The following HSPA4 variants were observed in gnomAD, a reference collection of about 807,000 sequenced individuals.
The protein encoded by HSPA4 is heat shock 70 kDa protein 4.
HSPA4 carries 25 observed loss-of-function variants against 106.2 expected under a neutral mutation model. The observed-to-expected ratio is 0.24, with a 90% confidence interval of 0.17 to 0.33. HSPA4 has a LOEUF of 0.33. HSPA4 is among the 10% of genes least tolerant of loss of function. The pLI is 1.00. For missense variants in HSPA4, 841 were observed against 996.0 expected (o/e 0.84, Z 2.10); for synonymous variants, 332 against 333.6 (o/e 1.00, Z 0.05).
chr5:133,055,053 A>G (rs1435619358), intron 1 of HSPA4, among the ~76,000 whole-genome samples: 2 of 152,180 alleles, frequency 1.3e-5, no homozygotes, highest in East Asian at 3.8e-4. Flanking sequence ...TTTGAAACTG[A>G]GTTGTTGCAG....
chr5:133,077,063 G>C (rs1379106900), intron 7 of HSPA4, among the ~76,000 whole-genome samples, 165 bp downstream of exon 7: 1 of 152,128 alleles, frequency 6.6e-6, no homozygotes, highest in Non-Finnish European at 1.5e-5. Context: ...ATGTAAAGTT[G>C]GGTCTGGTTA....
At chr5:133,099,949 C>T (rs762435637) in intron 16 of HSPA4, among the ~76,000 whole-genome samples, 1 of 152,126 alleles carries the variant, frequency 6.6e-6, no homozygotes, top group Non-Finnish European at 1.5e-5. Context: ...GCCCTAAAGG[C>T]ACAGGGAATG....
chr5:133,074,195 A>G, intron 6 of HSPA4, 69 bp downstream of exon 6: 2 of 1,026,820 alleles, frequency 1.9e-6, no homozygotes, highest in African/African-American at 1.6e-5. Flanking sequence ...AGAGACAATG[A>G]TTTTTTCTCA....
rs572573453 is a variant in HSPA4 at position 133,104,947 on chromosome 5, GCTT to G, written c.*516_*518del. 6.5e-6 allele frequency: 1 copy of G among 154,408 alleles called. No homozygotes were observed. The highest frequency in any genetic ancestry group is 2.4e-5 in the African/African-American group (1 of 41,450). 9.6% of individuals were successfully genotyped at this position (154,408 alleles called of 1,614,324 possible). On this transcript the variant is annotated 3_prime_UTR_variant, in exon 19 of 19. Coordinates refer to ENST00000304858, the MANE Select transcript of HSPA4 (RefSeq NM_002154.4). ...GCAGAGGAACAAAGGTGTGCTCTGA[GCTT>G]CTTCATATTTCACCTTCACCCTCAC...
chr5:133,080,929 A>G (rs919262461), intron 7 of HSPA4, among the ~76,000 whole-genome samples: 6 of 152,194 alleles, frequency 3.9e-5, no homozygotes, highest in Non-Finnish European at 7.3e-5. Context: ...TGTGACCACT[A>G]TTTAATTCTA....
intron 6 of HSPA4, among the ~76,000 whole-genome samples, chr5:133,074,335 A>G (rs1765421899): frequency 6.7e-6 from 1 of 150,124 alleles, no homozygotes; most frequent in African/African-American, 2.5e-5. Flanking sequence ...CTGGAGTGCA[A>G]TGGCGCGATC....
Position 133,076,864 on chromosome 5 carries a change from A to G in HSPA4, c.874A>G (p.Met292Val). The change falls in exon 7 of 19, where the codon ATG (methionine) becomes GTG (valine). Residue 292 changes from methionine (M) to valine (V), a missense_variant. Around this residue, in one of 5 missense-constraint regions of HSPA4, gnomAD observed 347 missense variants for 408.7 expected, o/e 0.85. Coordinates refer to ENST00000304858, the MANE Select transcript of HSPA4 (RefSeq NM_002154.4). ...TCTCCCTTTGAGCATTGAATGTTTT[A>G]TGAATGATGTTGATGTATCTGGAAC... ...SDLPLSIECF[M>V]NDVDVSGTMN... 1 of 1,612,140 alleles carries G rather than the reference A, an allele frequency of 6.2e-7. No homozygotes were observed. The highest frequency in any genetic ancestry group is 1.3e-5 in the African/African-American group (1 of 74,998).
Position 133,092,706 on chromosome 5 carries a change from C to G in HSPA4, c.1567C>G (p.Gln523Glu), listed in dbSNP as rs1765660557. Residue 523 changes from glutamine (Q) to glutamate (E), a missense_variant, in exon 13 of 19, where the codon CAA (glutamine) becomes GAA (glutamate). Gln to Glu is a conservative substitution (Grantham distance 29, BLOSUM62 2). Coordinates refer to ENST00000304858, the MANE Select transcript of HSPA4 (RefSeq NM_002154.4). ...AATTTGACCTGTTTTTCAGAAGATG[C>G]AAGTGGACCAGGAGGAACCACATGT... ...DQNAKEEEKM[Q>E]VDQEEPHVEE... is the part of the protein sequence containing the mutation. 3.1e-6 allele frequency: 5 copies of G among 1,607,726 alleles called. No individual in the cohort carries two copies. The African/African-American group carries it at 4.0e-5, about 13-fold the overall frequency.
intron 1 of HSPA4, among the ~76,000 whole-genome samples, chr5:133,060,439 T>C (rs1026228220): frequency 1.3e-5 from 2 of 152,130 alleles, no homozygotes; most frequent in African/African-American, 4.8e-5. Context: ...CTCGGCTCAC[T>C]ACAATCTCTG....
At chr5:133,097,911 G>GT (rs1315201113) in intron 15 of HSPA4, among the ~76,000 whole-genome samples, 3,529 of 141,302 alleles carry the variant, frequency 0.025, 90 homozygotes, top group African/African-American at 0.069. Context: ...AGAATTTTTA[G>GT]TTTTTTTTTT....
rs1390943203 is a variant in HSPA4 at position 133,106,289 on chromosome 5, G to C, written c.*1853G>C. The stretch of plus-strand genomic sequence containing the variant: ...TTTCATGGAGGCCAGGACAGAGAGT[G>C]GTAATTGATGGCTTGTGTACAGACA... On this transcript the variant is annotated 3_prime_UTR_variant, in exon 19 of 19. Transcript: ENST00000304858. 6.6e-6 allele frequency: 1 copy of C among 150,748 alleles called. No individual in the cohort carries two copies. The highest frequency in any genetic ancestry group is 2.4e-5 in the African/African-American group (1 of 40,950). The allele number at this position is 150,748 out of a possible 1,614,324, so 9.3% of individuals were successfully genotyped here.
intron 1 of HSPA4, among the ~76,000 whole-genome samples, chr5:133,057,405 C>T (rs545563399): frequency 1.3e-5 from 2 of 149,440 alleles, no homozygotes; most frequent in East Asian, 3.9e-4. Context: ...GTTGCTCAGG[C>T]TGGAGTGCAA....
chr5:133,088,380 ATCTG>A lies in HSPA4; in HGVS notation c.986-20_986-17del, dbSNP rs766727162. On this transcript the variant is annotated intron_variant, in intron 8 of 18. Coordinates refer to ENST00000304858, the MANE Select transcript of HSPA4 (RefSeq NM_002154.4). The stretch of plus-strand genomic sequence containing the variant: ...ATTGTTCTTTCATTTCATTAAAAAA[ATCTG>A]TCTAATTCTTTAAAAATAGAGTTAA... The A allele has an allele frequency of 4.7e-6, 7 of 1,504,294 alleles. No homozygotes were observed. The highest frequency in any genetic ancestry group is 1.2e-5 in the South Asian group (1 of 86,856). The allele number at this position is 1,504,294 out of a possible 1,614,324, so 93.2% of individuals were successfully genotyped here. A position where few individuals can be genotyped will look rare whatever the true frequency, so the allele number is the denominator to read the frequency against.
intron 7 of HSPA4, among the ~76,000 whole-genome samples, chr5:133,086,121 T>C (rs1288911549): frequency 6.6e-6 from 1 of 152,174 alleles, no homozygotes; most frequent in Non-Finnish European, 1.5e-5. Flanking sequence ...GAAAATCACC[T>C]GAGCCTGGGA....
chr5:133,067,515 A>G lies in HSPA4; in HGVS notation c.264A>G (p.Ala88=), dbSNP rs1354239879. 3.1e-6 allele frequency: 5 copies of G among 1,614,034 alleles called. No individual in the cohort carries two copies. Among genetic ancestry groups the G allele is most frequent in the South Asian group, 2.2e-5 (2 of 91,080 alleles). ...TGGAGGCAGAAAAATCTAACCTTGCATATGATATTGTGCAGTTGCCTACAG... is the reference window on the plus strand; with the variant it reads ...TGGAGGCAGAAAAATCTAACCTTGCGTATGATATTGTGCAGTTGCCTACAG... ...PFVEAEKSNL[A]YDIVQLPTGL... is the part of the protein sequence containing the mutation. The change falls in exon 3 of 19, where the codon GCA becomes GCG. Residue 88 remains alanine, a synonymous_variant. Transcript: ENST00000304858.
At chr5:133,102,234 A>C (rs1268965134) in intron 17 of HSPA4, among the ~76,000 whole-genome samples, 1 of 152,152 alleles carries the variant, frequency 6.6e-6, no homozygotes, top group Non-Finnish European at 1.5e-5. Flanking sequence ...CCCGGCCGTA[A>C]AGTTAACTTC....
At chr5:133,070,602 T>G in intron 4 of HSPA4, 106 bp downstream of exon 4, 10 of 1,377,178 alleles carry the variant, frequency 7.3e-6, no homozygotes, top group Non-Finnish European at 9.1e-6. Flanking sequence ...TTGTAATGGT[T>G]ATTTAAAATG....
chr5:133,066,201 G>A (rs2126697498), intron 2 of HSPA4, among the ~76,000 whole-genome samples: 1 of 152,292 alleles, frequency 6.6e-6, no homozygotes, highest in African/African-American at 2.4e-5. Context: ...TACAGTTATT[G>A]TGTTACAGAG....
chr5:133,064,902 C>T (rs1307562661), intron 1 of HSPA4, 78 bp from the exon 2 acceptor site: 6 of 1,219,798 alleles, frequency 4.9e-6, no homozygotes, highest in African/African-American at 1.5e-5. Context: ...TTAGCTGATA[C>T]TCAGATCTTG....
Sources: allele counts gnomAD v4.1 joint callset (sites outside exome capture counted in the v4.1 genomes callset), GRCh38; gene constraint gnomAD v4.1.1; regional missense constraint gnomAD v4.1.1; transcripts MANE v1.5; gene names NCBI Gene and HGNC (gene_info 2026-07-23, HGNC 2026-07-21).